ST8SIA5: variants seen among roughly 807,000 people sequenced by gnomAD.
ST8SIA5 encodes the protein ST8 alpha-N-acetyl-neuraminide alpha-2,8-sialyltransferase 5, also known as alpha-2,8-sialyltransferase 8E.
In ST8SIA5, 24 loss-of-function variants were observed where a neutral mutation model predicts 40.2. That is an observed-to-expected ratio of 0.60 (90% CI 0.43 to 0.84). The LOEUF (loss-of-function observed/expected upper bound fraction) is 0.84. ST8SIA5 is among the 40% of genes least tolerant of loss of function. The pLI is 0.00. For missense variants in ST8SIA5, 465 were observed against 498.5 expected (o/e 0.93, Z 0.64); for synonymous variants, 198 against 201.8 (o/e 0.98, Z 0.16).
At chr18:46,715,992 G>A (rs1419052683) in intron 1 of ST8SIA5, among the ~76,000 whole-genome samples, 1 of 152,058 alleles carries the variant, frequency 6.6e-6, no homozygotes, top group Non-Finnish European at 1.5e-5. Context: ...GAAAAGACAA[G>A]GAGGCTCACC....
intron 1 of ST8SIA5, among the ~76,000 whole-genome samples, chr18:46,726,484 A>C (rs962571726): frequency 4.0e-4 from 61 of 152,156 alleles, no homozygotes; most frequent in African/African-American, 1.4e-3. Context: ...TTTTTCAAAA[A>C]GAAAAGATTT....
At chr18:46,692,364 G>A (rs2039514688) in intron 2 of ST8SIA5, 109 bp from the exon 3 acceptor site, 6 of 948,568 alleles carry the variant, frequency 6.3e-6, no homozygotes, top group Middle Eastern at 2.6e-4. Context: ...CCAGTCCTGG[G>A]GCTGGCCCTT....
intron 2 of ST8SIA5, among the ~76,000 whole-genome samples, chr18:46,703,386 G>T (rs1020341865): frequency 6.6e-6 from 1 of 152,172 alleles, no homozygotes; most frequent in South Asian, 2.1e-4. Flanking sequence ...CTGACCTTGT[G>T]ATCCTGGGCT....
chr18:46,698,699 A>G lies in ST8SIA5; in HGVS notation c.224+5873T>C, dbSNP rs531346466. Among the ~76,000 whole-genome samples the G allele has an allele frequency of 8.9e-4, 136 of 152,362 alleles. 1 individual carries two copies. Among genetic ancestry groups the G allele is most frequent in the Middle Eastern group, 6.8e-3 (2 of 294 alleles). ...GGAAGTAAAAGGAAGAAGTAAACAC[A>G]AAAGAAGCTATAGGTTCTAAGCAAA... On this transcript the variant is annotated intron_variant, in intron 2 of 6. Coordinates refer to ENST00000315087, the MANE Select transcript of ST8SIA5 (RefSeq NM_013305.6).
chr18:46,706,677 T>A (rs1019376077), intron 1 of ST8SIA5, among the ~76,000 whole-genome samples: 4 of 152,196 alleles, frequency 2.6e-5, no homozygotes. Flanking sequence ...AAATGACATT[T>A]CCCAGACTCC....
At position 46,691,028 on chromosome 18, in the gene ST8SIA5, C is replaced by T. The variant is rs544157300; in HGVS notation, c.311+1141G>A. Among the ~76,000 whole-genome samples the T allele has an allele frequency of 2.2e-4, 33 of 152,346 alleles. 2 individuals carry two copies. In the South Asian group the frequency reaches 6.6e-3, roughly 31 times the overall value. ...CATACTCTCAGTGTGTCAGGTCTCA[C>T]TCGCCCCCAGGGGCACCTCTGTGCA... is the stretch of plus-strand genomic sequence containing the variant. On this transcript the variant is annotated intron_variant, in intron 3 of 6. Transcript: ENST00000315087.
At chr18:46,697,405 G>C (rs1056175654) in intron 2 of ST8SIA5, among the ~76,000 whole-genome samples, 1 of 152,144 alleles carries the variant, frequency 6.6e-6, no homozygotes, top group African/African-American at 2.4e-5. Flanking sequence ...TTGTGGGGGA[G>C]GGGTTCACCA....
At chr18:46,686,143 G>A (rs753283558) in intron 5 of ST8SIA5, 31 bp downstream of exon 5, 1 of 1,599,778 alleles carries the variant, frequency 6.3e-7, no homozygotes, top group Non-Finnish European at 8.6e-7. Flanking sequence ...CCATGGGGTA[G>A]TGGCAAGGGC....
At chr18:46,746,773 C>CAA (rs36168828) in intron 1 of ST8SIA5, among the ~76,000 whole-genome samples, 56 of 149,978 alleles carry the variant, frequency 3.7e-4, no homozygotes, top group South Asian at 8.4e-4. Context: ...CAATCCTAAG[C>CAA]AAAAAAAAAC....
intron 1 of ST8SIA5, among the ~76,000 whole-genome samples, chr18:46,742,370 A>C (rs1174915754): frequency 6.6e-6 from 1 of 152,074 alleles, no homozygotes. Context: ...AATTTTTGTG[A>C]TGTTGGATTA....
intron 1 of ST8SIA5, among the ~76,000 whole-genome samples, chr18:46,714,905 A>G (rs901967873): frequency 3.6e-4 from 55 of 152,180 alleles, no homozygotes; most frequent in Non-Finnish European, 1.8e-4. Flanking sequence ...CTCAAAAGCC[A>G]TAAAGCTTTG....
At chr18:46,754,951 G>A (rs1403234454) in intron 1 of ST8SIA5, among the ~76,000 whole-genome samples, 1 of 152,200 alleles carries the variant, frequency 6.6e-6, no homozygotes, top group African/African-American at 2.4e-5. Context: ...CTCAGGGGCA[G>A]CAGTAGCCAA....
At position 46,742,979 on chromosome 18, in the gene ST8SIA5, C is replaced by T. The variant is rs575571402; in HGVS notation, c.131+13399G>A. 3.3e-5 allele frequency among the ~76,000 whole-genome samples: 5 copies of T among 152,348 alleles called. No homozygotes were observed. In the South Asian group the frequency reaches 1.0e-3, roughly 32 times the overall value. On this transcript the variant is annotated intron_variant, in intron 1 of 6. Coordinates refer to ENST00000315087, the MANE Select transcript of ST8SIA5 (RefSeq NM_013305.6). ...TCCAATAGACCTGCAGGTGAGGGAC[C>T]TGTTAGAAGGAAAACTAACAAACAG...
chr18:46,710,217 T>C (rs1363824639), intron 1 of ST8SIA5, among the ~76,000 whole-genome samples: 1 of 152,100 alleles, frequency 6.6e-6, no homozygotes, highest in South Asian at 2.1e-4. Flanking sequence ...TGCCCTCCAC[T>C]AAGTGAGAAG....
At chr18:46,748,945 A>G (rs1284272374) in intron 1 of ST8SIA5, among the ~76,000 whole-genome samples, 1 of 152,210 alleles carries the variant, frequency 6.6e-6, no homozygotes, top group Non-Finnish European at 1.5e-5. Context: ...ATAACAGTGA[A>G]AAACAACTCA....
intron 1 of ST8SIA5, among the ~76,000 whole-genome samples, chr18:46,749,007 T>G (rs1402500432): frequency 1.3e-5 from 2 of 152,160 alleles, no homozygotes; most frequent in African/African-American, 4.8e-5. Flanking sequence ...ATCCATACAA[T>G]GAAATATTAT....
chr18:46,711,656 T>C (rs1270513329), intron 1 of ST8SIA5, among the ~76,000 whole-genome samples: 2 of 152,140 alleles, frequency 1.3e-5, no homozygotes, highest in African/African-American at 4.8e-5. Flanking sequence ...CGCACAGAAA[T>C]CAGTCTGAAA....
chr18:46,684,387 T>G (rs879212320), intron 5 of ST8SIA5, among the ~76,000 whole-genome samples: 2 of 152,202 alleles, frequency 1.3e-5, no homozygotes, highest in Admixed American at 1.3e-4. Flanking sequence ...AAAATAACAT[T>G]TTCCTTATAA....
intron 5 of ST8SIA5, among the ~76,000 whole-genome samples, chr18:46,684,493 T>C (rs1165918676): frequency 2.0e-5 from 3 of 152,218 alleles, no homozygotes; most frequent in Non-Finnish European, 4.4e-5. Flanking sequence ...ACTATTATCA[T>C]CCTCATCTTT....
Sources: gnomAD v4.1 joint callset for allele counts (sites outside exome capture counted in the v4.1 genomes callset) on GRCh38, gnomAD v4.1.1 for gene constraint, MANE v1.5 for transcripts, NCBI Gene and HGNC (gene_info 2026-07-23, HGNC 2026-07-21) for gene names.